The following HERC4 variants were observed in gnomAD, a reference collection of about 807,000 sequenced individuals.
HERC4 encodes probable E3 ubiquitin-protein ligase HERC4.
A neutral mutation model predicts 124.3 loss-of-function variants in HERC4; 28 were observed. That is an observed-to-expected ratio of 0.23 (90% CI 0.17 to 0.31). The LOEUF (loss-of-function observed/expected upper bound fraction) is 0.31. Ranked by LOEUF, HERC4 falls within the 10% of genes least tolerant of loss-of-function variation. The pLI is 1.00. For synonymous variants in HERC4, 407 were observed against 421.5 expected, an observed-to-expected ratio of 0.97 and a Z score of 0.42; for missense variants, 713 against 1,229.3, an observed-to-expected ratio of 0.58 and a Z score of 6.28.
intron 15 of HERC4, among the ~76,000 whole-genome samples, chr10:67,977,098 C>T (rs2035637697): frequency 6.6e-6 from 1 of 152,196 alleles, no homozygotes; most frequent in Non-Finnish European, 1.5e-5. Context: ...CTGGCACTAC[C>T]CCTCCTTTAA....
chr10:68,060,759 T>C (rs368766992), intron 3 of HERC4, among the ~76,000 whole-genome samples: 12 of 152,142 alleles, frequency 7.9e-5, no homozygotes, highest in Middle Eastern at 3.2e-3. Context: ...CTAGTAACTC[T>C]TCAAAATATA....
chr10:67,961,520 T>C (rs2034519653), intron 16 of HERC4: 1 of 152,224 alleles, frequency 6.6e-6, no homozygotes, highest in African/African-American at 2.4e-5. Context: ...TTTAACCTAT[T>C]ATCCTTTCCC....
intron 3 of HERC4, among the ~76,000 whole-genome samples, chr10:68,061,165 T>C (rs1193368424): frequency 6.6e-6 from 1 of 152,158 alleles, no homozygotes; most frequent in Non-Finnish European, 1.5e-5. Context: ...CTTCAGCTAC[T>C]AGTGGAACCA....
At chr10:67,976,779 C>A (rs1290369111) in intron 15 of HERC4, among the ~76,000 whole-genome samples, 2 of 152,156 alleles carry the variant, frequency 1.3e-5, no homozygotes, top group Admixed American at 1.3e-4. Context: ...GCATTGAGCT[C>A]AGCACTGCCC....
intron 19 of HERC4, among the ~76,000 whole-genome samples, chr10:67,945,676 C>T (rs925634823): frequency 1.3e-5 from 2 of 151,860 alleles, no homozygotes; most frequent in African/African-American, 2.4e-5. Flanking sequence ...ACAGAAACAA[C>T]ACAAAGTTAA....
In HERC4 at chr10:67,974,091, C is replaced by T. The variant is rs866822149; in HGVS notation, c.1807-7289G>A. Among the ~76,000 whole-genome samples, 244 of 138,104 alleles carry T rather than the reference C, an allele frequency of 1.8e-3. 4 individuals are homozygous for T. Among genetic ancestry groups the T allele is most frequent in the Middle Eastern group, 0.011 (3 of 278 alleles). 90.6% of individuals were successfully genotyped at this position (138,104 alleles called of 152,430 possible). A position where few individuals can be genotyped will look rare whatever the true frequency, so the allele number is the denominator to read the frequency against. On this transcript the variant is annotated intron_variant, in intron 15 of 24. Coordinates refer to ENST00000373700, the MANE Select transcript of HERC4 (RefSeq NM_015601.4). ...ATTACTGTACACACACACACACACA[C>T]ACACACACACACACACACACACACA...
intron 9 of HERC4, among the ~76,000 whole-genome samples, chr10:68,012,477 T>C (rs1223651176): frequency 2.0e-5 from 3 of 152,166 alleles, no homozygotes; most frequent in African/African-American, 7.2e-5. Flanking sequence ...ATTTCAACAC[T>C]GTTGTGCCTC....
chr10:67,987,655 A>C (rs999644904), intron 15 of HERC4, among the ~76,000 whole-genome samples: 2 of 152,212 alleles, frequency 1.3e-5, no homozygotes, highest in Non-Finnish European at 2.9e-5. Flanking sequence ...CTATGATTTC[A>C]TCAATCAAAA....
chr10:68,061,358 C>G (rs967915664), intron 3 of HERC4, among the ~76,000 whole-genome samples: 1 of 151,118 alleles, frequency 6.6e-6, no homozygotes, highest in African/African-American at 2.4e-5. Flanking sequence ...ATGGTGAAAC[C>G]CCATCTCTAC....
At chr10:68,059,379 T>C (rs1400298827) in intron 3 of HERC4, among the ~76,000 whole-genome samples, 1 of 146,888 alleles carries the variant, frequency 6.8e-6, no homozygotes, top group Non-Finnish European at 1.5e-5. Context: ...GTCTTCATCA[T>C]ATAGGTCTTG....
intron 3 of HERC4, among the ~76,000 whole-genome samples, chr10:68,060,648 T>C (rs2040959343): frequency 6.6e-6 from 1 of 152,182 alleles, no homozygotes; most frequent in Admixed American, 6.5e-5. Flanking sequence ...TGTTCTCTTT[T>C]CCCCTTATTC....
At chr10:68,051,509 T>C (rs1222177790) in intron 3 of HERC4, among the ~76,000 whole-genome samples, 1 of 149,030 alleles carries the variant, frequency 6.7e-6, no homozygotes, top group Non-Finnish European at 1.5e-5. Flanking sequence ...CATGCCCAGC[T>C]AGTTTTTTTT....
intron 16 of HERC4, chr10:67,966,027 ATAAAAG>A (rs1263241079): frequency 6.6e-6 from 1 of 152,300 alleles, no homozygotes; most frequent in Non-Finnish European, 1.5e-5. Context: ...AAAATCTGAA[ATAAAAG>A]TAAACACATA....
chr10:67,949,521 C>T (rs189589800), intron 19 of HERC4, among the ~76,000 whole-genome samples: 3 of 152,254 alleles, frequency 2.0e-5, no homozygotes, highest in African/African-American at 7.2e-5. Context: ...TCCAACCCTA[C>T]AAACCAATAT....
chr10:67,961,013 TA>T, intron 16 of HERC4: 1 of 342,864 alleles, frequency 2.9e-6, no homozygotes, highest in Non-Finnish European at 5.5e-6. Context: ...GTGCTGAGAG[TA>T]AGAGGTCTTC....
intron 20 of HERC4, 24 bp downstream of exon 20, chr10:67,940,915 T>A (rs1589139155): frequency 6.3e-7 from 1 of 1,599,608 alleles, no homozygotes; most frequent in Non-Finnish European, 8.5e-7. Context: ...CCCTACTACT[T>A]TTTGACTTTT....
chr10:68,044,572 A>G lies in HERC4; in HGVS notation c.227-9T>C. 6 of 1,610,682 alleles carry G rather than the reference A, an allele frequency of 3.7e-6. No individual in the cohort carries two copies. The highest frequency in any genetic ancestry group is 5.1e-6 in the Non-Finnish European group (6 of 1,178,870). On this transcript the variant is annotated splice_polypyrimidine_tract_variant and intron_variant, in intron 3 of 24. Transcript: ENST00000373700. The stretch of plus-strand genomic sequence containing the variant: ...CAGGGCAACAACCTGCTCTACAGAA[A>G]TCAAGAAGAGAAATATTGCATTCTA...
At chr10:68,057,142 C>G (rs1042458575) in intron 3 of HERC4, among the ~76,000 whole-genome samples, 2 of 152,028 alleles carry the variant, frequency 1.3e-5, no homozygotes, top group African/African-American at 2.4e-5. Flanking sequence ...ATTTTCTTGA[C>G]ATATAAATTT....
At chr10:67,984,235 G>A (rs1027070082) in intron 15 of HERC4, among the ~76,000 whole-genome samples, 2 of 151,020 alleles carry the variant, frequency 1.3e-5, no homozygotes, top group Admixed American at 6.6e-5. Context: ...CTAAGAGGTA[G>A]AGGCTGCAGT....
Sources: allele counts gnomAD v4.1 joint callset (sites outside exome capture counted in the v4.1 genomes callset), GRCh38; gene constraint gnomAD v4.1.1; transcripts MANE v1.5; gene names NCBI Gene and HGNC (gene_info 2026-07-23, HGNC 2026-07-21).